The following AGBL4 variants were observed in gnomAD, a reference collection of about 807,000 sequenced individuals.
AGBL4 encodes the protein AGBL carboxypeptidase 4, also known as cytosolic carboxypeptidase 6.
AGBL4 carries 58 observed loss-of-function variants against 66.4 expected under a neutral mutation model. The ratio of observed to expected loss-of-function variants is 0.87; its 90% CI spans 0.71 to 1.09. The LOEUF (loss-of-function observed/expected upper bound fraction) is 1.09, where lower values mean the gene tolerates loss of function less well. Among genes scored for constraint, AGBL4 ranks in the 50% least tolerant of loss-of-function variants. The pLI is 0.00. For missense variants in AGBL4, 579 were observed against 631.0 expected, an observed-to-expected ratio of 0.92 and a Z score of 0.88; for synonymous variants, 234 against 222.9, an observed-to-expected ratio of 1.05 and a Z score of -0.44.
intron 2 of AGBL4, among the ~76,000 whole-genome samples, chr1:49,825,190 G>GT: frequency 6.6e-6 from 1 of 152,180 alleles, no homozygotes; most frequent in Middle Eastern, 3.4e-3. Context: ...ATTTTCTTTT[G>GT]TTTTTCTAAA....
chr1:49,686,480 C>T (rs776012532), intron 3 of AGBL4, among the ~76,000 whole-genome samples: 2 of 152,180 alleles, frequency 1.3e-5, no homozygotes, highest in African/African-American at 4.8e-5. Context: ...CAGTCATAAT[C>T]AAAGCCAATT....
chr1:49,913,962 G>C (rs1285127627), intron 1 of AGBL4, among the ~76,000 whole-genome samples: 1 of 152,122 alleles, frequency 6.6e-6, no homozygotes, highest in Non-Finnish European at 1.5e-5. Context: ...CTAGAGCTCT[G>C]GACCTGTAAT....
At chr1:49,298,927 C>G (rs914612984) in intron 3 of AGBL4, among the ~76,000 whole-genome samples, 3 of 152,146 alleles carry the variant, frequency 2.0e-5, no homozygotes, top group Non-Finnish European at 2.9e-5. Flanking sequence ...GACTTCTCTA[C>G]TGAACTGATC....
intron 9 of AGBL4, among the ~76,000 whole-genome samples, chr1:48,618,810 C>T (rs75822073): frequency 0.011 from 1,644 of 152,202 alleles, 33 homozygotes; most frequent in African/African-American, 0.038. Flanking sequence ...TTCGAACCAA[C>T]GTTTCTTACA....
intron 6 of AGBL4, among the ~76,000 whole-genome samples, chr1:48,742,952 AG>A (rs1375590328): frequency 2.0e-5 from 3 of 152,214 alleles, no homozygotes; most frequent in Non-Finnish European, 4.4e-5. Flanking sequence ...ACAAGGGAAA[AG>A]GTGGAAAACT....
intron 4 of AGBL4, among the ~76,000 whole-genome samples, chr1:49,067,747 C>A (rs1231318765): frequency 6.6e-6 from 1 of 152,020 alleles, no homozygotes; most frequent in Non-Finnish European, 1.5e-5. Context: ...TTCATAGGCT[C>A]ACTTTATTTA....
intron 3 of AGBL4, among the ~76,000 whole-genome samples, chr1:49,264,039 C>T (rs1325443237): frequency 2.0e-5 from 3 of 151,920 alleles, no homozygotes; most frequent in African/African-American, 7.2e-5. Flanking sequence ...TAACACAAAA[C>T]AGTAGTATAT....
chr1:48,763,150 G>C (rs1203262133), intron 6 of AGBL4, among the ~76,000 whole-genome samples: 17 of 152,012 alleles, frequency 1.1e-4, no homozygotes, highest in Admixed American at 1.1e-3. Flanking sequence ...ATTTAAGTAG[G>C]GTAAGGATGA....
At chr1:48,718,986 G>A (rs776722466) in intron 6 of AGBL4, among the ~76,000 whole-genome samples, 3 of 152,172 alleles carry the variant, frequency 2.0e-5, no homozygotes, top group Non-Finnish European at 4.4e-5. Context: ...TGTACTGAAC[G>A]TAATACATCA....
chr1:49,707,478 C>T (rs914609486), intron 2 of AGBL4, among the ~76,000 whole-genome samples: 7 of 143,726 alleles, frequency 4.9e-5, no homozygotes, highest in African/African-American at 1.8e-4. Context: ...ATGAATATAA[C>T]ACAAAGATGG....
At chr1:49,450,861 G>C (rs759086495) in intron 3 of AGBL4, among the ~76,000 whole-genome samples, 1 of 152,014 alleles carries the variant, frequency 6.6e-6, no homozygotes, top group Non-Finnish European at 1.5e-5. Context: ...AAAGCCATCT[G>C]TATTCGTTTT....
intron 3 of AGBL4, among the ~76,000 whole-genome samples, chr1:49,678,924 A>C (rs138646489): frequency 6.6e-6 from 1 of 152,172 alleles, no homozygotes; most frequent in African/African-American, 2.4e-5. Flanking sequence ...ATAGATTGAA[A>C]TTTCCCAAAA....
Position 49,998,008 on chromosome 1 carries a change from A to G in AGBL4, c.34+25755T>C, listed in dbSNP as rs373972526. Among the ~76,000 whole-genome samples, 51 of 152,208 alleles carry G rather than the reference A, an allele frequency of 3.4e-4. 1 individual carries two copies. In the South Asian group the frequency reaches 9.5e-3, roughly 28 times the overall value. ...GGAAATGAAGTCTGAAAGAGCACAA[A>G]TAGATAATCTAAGGTCACATCTCAC... On this transcript the variant is annotated intron_variant, in intron 1 of 13. Transcript: ENST00000371839.
At chr1:49,975,360 T>G (rs1476281603) in intron 1 of AGBL4, among the ~76,000 whole-genome samples, 1 of 152,192 alleles carries the variant, frequency 6.6e-6, no homozygotes, top group Non-Finnish European at 1.5e-5. Flanking sequence ...GTGAAAACAG[T>G]TCTGCAAGTT....
chr1:48,589,135 G>A (rs1994211), intron 10 of AGBL4, among the ~76,000 whole-genome samples: 37,665 of 151,990 alleles, frequency 0.25, 5,888 homozygotes, highest in Middle Eastern at 0.35. Context: ...ACAGAAAAAG[G>A]TATGGCTGTT....
At chr1:48,591,558 C>T (rs2148349088) in intron 9 of AGBL4, among the ~76,000 whole-genome samples, 1 of 152,204 alleles carries the variant, frequency 6.6e-6, no homozygotes, top group South Asian at 2.1e-4. Context: ...GGGAATCAAA[C>T]ACAGCAATAA....
intron 3 of AGBL4, among the ~76,000 whole-genome samples, chr1:49,607,952 A>C (rs150903720): frequency 8.7e-4 from 132 of 152,284 alleles, no homozygotes; most frequent in African/African-American, 3.2e-3. Flanking sequence ...TGGTTGAATA[A>C]TAGGGGAGAA....
chr1:49,293,815 G>C (rs973680058), intron 3 of AGBL4, among the ~76,000 whole-genome samples: 3 of 152,190 alleles, frequency 2.0e-5, no homozygotes, highest in Non-Finnish European at 4.4e-5. Flanking sequence ...TTGAATGGTA[G>C]GCAGTTTCAT....
At chr1:48,696,023 G>A (rs759650486) in intron 6 of AGBL4, among the ~76,000 whole-genome samples, 15 of 152,162 alleles carry the variant, frequency 9.9e-5, no homozygotes, top group East Asian at 1.9e-4. Context: ...GCAGAAGCCC[G>A]CCTTCTAATG....
Sources: gnomAD v4.1 joint callset for allele counts (sites outside exome capture counted in the v4.1 genomes callset) on GRCh38, gnomAD v4.1.1 for gene constraint, MANE v1.5 for transcripts, NCBI Gene and HGNC (gene_info 2026-07-23, HGNC 2026-07-21) for gene names.